The following ADARB2 variants were observed in gnomAD, a reference collection of about 807,000 sequenced individuals.
ADARB2 encodes the protein inactive double-stranded RNA-specific editase B2.
Under a neutral mutation model 62.2 loss-of-function variants are expected in ADARB2, and 25 were observed. The ratio of observed to expected loss-of-function variants is 0.40; its 90% CI spans 0.29 to 0.56. The LOEUF is 0.56. ADARB2 is among the 20% of genes least tolerant of loss of function. ADARB2 has a pLI of 0.43. For missense variants in ADARB2, 1,071 were observed against 1,077.4 expected (o/e 0.99, Z 0.08); for synonymous variants, 572 against 500.8 (o/e 1.14, Z -1.90).
At chr10:1,196,421 G>A (rs1019255198) in intron 8 of ADARB2, among the ~76,000 whole-genome samples, 6 of 151,708 alleles carry the variant, frequency 4.0e-5, no homozygotes, top group African/African-American at 1.5e-4. Flanking sequence ...CTCGATGTTG[G>A]ATACATTTAA....
At position 1,546,871 on chromosome 10, in the gene ADARB2, C is replaced by T. The variant is rs911408047; in HGVS notation, c.101-167711G>A. ...ATCCATCGGCTAATGCCAGGCAAGGCGGGAATGCGATGAGGGCTGGCTGGA... is the reference window on the plus strand; with the variant it reads ...ATCCATCGGCTAATGCCAGGCAAGGTGGGAATGCGATGAGGGCTGGCTGGA... On this transcript the variant is annotated intron_variant, in intron 1 of 9. Coordinates refer to ENST00000381312, the MANE Select transcript of ADARB2 (RefSeq NM_018702.4). Among the ~76,000 whole-genome samples, 87 of 152,276 alleles carry T rather than the reference C, an allele frequency of 5.7e-4. 1 individual carries two copies. The highest frequency in any genetic ancestry group is 1.9e-3 in the African/African-American group (77 of 41,566).
Position 1,644,029 on chromosome 10 carries a change from A to G in ADARB2, c.100+93022T>C, listed in dbSNP as rs79243811. On this transcript the variant is annotated intron_variant, in intron 1 of 9. Transcript: ENST00000381312. Reference sequence around the variant, plus strand: ...GCTGTCTCCCGGCCCCACTCGGCCCAAGGTAAATAAAACTCCAGGTTATCT... The same window carrying G: ...GCTGTCTCCCGGCCCCACTCGGCCCGAGGTAAATAAAACTCCAGGTTATCT... Among the ~76,000 whole-genome samples the G allele has an allele frequency of 8.5e-3, 1,293 of 152,304 alleles. 14 individuals are homozygous for G. The highest frequency in any genetic ancestry group is 0.045 in the East Asian group (232 of 5,172).
intron 1 of ADARB2, among the ~76,000 whole-genome samples, chr10:1,727,130 T>C (rs1469988579): frequency 1.3e-5 from 2 of 152,186 alleles, no homozygotes; most frequent in Non-Finnish European, 2.9e-5. Context: ...AAATGTACAA[T>C]GTAAATCTGA....
At position 1,398,069 on chromosome 10, in the gene ADARB2, G is replaced by T. The variant is rs2820592; in HGVS notation, c.101-18909C>A. Among the ~76,000 whole-genome samples the T allele has an allele frequency of 7.9e-5, 6 of 75,720 alleles. No homozygotes were observed. The highest frequency in any genetic ancestry group is 4.4e-4 in the East Asian group (1 of 2,280). The allele number at this position is 75,720 out of a possible 152,430, so 49.7% of individuals were successfully genotyped here. A position where few individuals can be genotyped will look rare whatever the true frequency, so the allele number is the denominator to read the frequency against. ...TCCTCCTCTCCCCTCCCGAGTGCAG[G>T]CTTCCTGGGTCACCGCCCTCCTCTC... On this transcript the variant is annotated intron_variant, in intron 1 of 9. Transcript: ENST00000381312. This position sits in a 1 kb window ranked among gnomAD's most constrained non-coding sequence, Gnocchi z 4.1.
chr10:1,504,926 G>A (rs756644207), intron 1 of ADARB2, among the ~76,000 whole-genome samples: 3 of 151,818 alleles, frequency 2.0e-5, no homozygotes. Flanking sequence ...GCGTGTGCGT[G>A]CACACACACG....
intron 1 of ADARB2, among the ~76,000 whole-genome samples, chr10:1,607,757 C>T (rs550134989): frequency 2.0e-5 from 3 of 152,342 alleles, no homozygotes; most frequent in East Asian, 1.9e-4. Context: ...AGGAGGCATC[C>T]GCCCAGTGCC....
At chr10:1,193,693 C>T (rs1285464299) in intron 8 of ADARB2, among the ~76,000 whole-genome samples, 3 of 152,278 alleles carry the variant, frequency 2.0e-5, no homozygotes, top group African/African-American at 4.8e-5. Flanking sequence ...GTCTCACCTT[C>T]GTTTTTGAAG....
intron 1 of ADARB2, among the ~76,000 whole-genome samples, chr10:1,527,898 A>G (rs1001549032): frequency 1.2e-4 from 18 of 152,360 alleles, no homozygotes; most frequent in Admixed American, 4.6e-4. Flanking sequence ...TCATAAATTT[A>G]TCATTCTGGA....
At chr10:1,526,803 A>G in intron 1 of ADARB2, 1 of 510,754 alleles carries the variant, frequency 2.0e-6, no homozygotes, top group Non-Finnish European at 4.1e-6. Flanking sequence ...TCCTCCTGGC[A>G]CCTCCCTGAC....
chr10:1,529,193 C>T (rs569326876), intron 1 of ADARB2, among the ~76,000 whole-genome samples: 3 of 137,230 alleles, frequency 2.2e-5, no homozygotes, highest in Non-Finnish European at 4.8e-5. Flanking sequence ...GCACCATGCC[C>T]AACACCAATC....
intron 2 of ADARB2, among the ~76,000 whole-genome samples, chr10:1,364,868 G>C (rs1196184019): frequency 8.1e-6 from 1 of 123,492 alleles, no homozygotes; most frequent in South Asian, 2.7e-4. Flanking sequence ...TCACATTTTG[G>C]TAATTTTTTT....
intron 1 of ADARB2, among the ~76,000 whole-genome samples, chr10:1,572,754 AG>A (rs1771374779): frequency 6.6e-6 from 1 of 152,232 alleles, no homozygotes; most frequent in African/African-American, 2.4e-5. Context: ...GGGAGGATCC[AG>A]AGAGCAGGTG....
chr10:1,674,529 C>G (rs553935172), intron 1 of ADARB2, among the ~76,000 whole-genome samples: 33 of 152,294 alleles, frequency 2.2e-4, no homozygotes, highest in Admixed American at 3.3e-4. Flanking sequence ...GAAGTAGTCA[C>G]GATCGTGATT....
intron 1 of ADARB2, among the ~76,000 whole-genome samples, chr10:1,396,812 C>G (rs367850527): frequency 1.4e-5 from 1 of 71,924 alleles, no homozygotes. Context: ...CCTGGGTCAC[C>G]GTCCTCCTCT....
chr10:1,653,269 G>A (rs1564359044), intron 1 of ADARB2, among the ~76,000 whole-genome samples: 1 of 152,206 alleles, frequency 6.6e-6, no homozygotes, highest in Non-Finnish European at 1.5e-5. Flanking sequence ...TCCCAGTCAT[G>A]GCAGAAGGAC....
At chr10:1,346,100 T>C (rs1021937138) in intron 3 of ADARB2, among the ~76,000 whole-genome samples, 1 of 152,266 alleles carries the variant, frequency 6.6e-6, no homozygotes, top group Non-Finnish European at 1.5e-5. Flanking sequence ...GTAACTGTTG[T>C]TCTGTTCGCC....
chr10:1,662,974 C>A (rs78399934), intron 1 of ADARB2, among the ~76,000 whole-genome samples: 1 of 152,164 alleles, frequency 6.6e-6, no homozygotes, highest in African/African-American at 2.4e-5. Flanking sequence ...ATCAACCAGA[C>A]GCGGAACACG....
At chr10:1,349,781 T>A (rs1832117073) in intron 3 of ADARB2, among the ~76,000 whole-genome samples, 1 of 152,164 alleles carries the variant, frequency 6.6e-6, no homozygotes, top group African/African-American at 2.4e-5. Flanking sequence ...CCCTTGGTGT[T>A]TAATCATTTA....
At chr10:1,474,002 G>C (rs1012092348) in intron 1 of ADARB2, among the ~76,000 whole-genome samples, 2 of 150,064 alleles carry the variant, frequency 1.3e-5, no homozygotes, top group African/African-American at 4.9e-5. Flanking sequence ...CCCGGATCAC[G>C]GGGGAGCCCT....
Sources: gnomAD v4.1 joint callset for allele counts (sites outside exome capture counted in the v4.1 genomes callset) on GRCh38, gnomAD v4.1.1 for gene constraint, Gnocchi (gnomAD v3.1) non-coding constraint, MANE v1.5 for transcripts, NCBI Gene and HGNC (gene_info 2026-07-23, HGNC 2026-07-21) for gene names.